The following NRXN1 variants were observed in gnomAD, a reference collection of about 807,000 sequenced individuals.
NRXN1 encodes neurexin-1.
Under a neutral mutation model 150.9 loss-of-function variants are expected in NRXN1, and 39 were observed. The ratio of observed to expected loss-of-function variants is 0.26; its 90% CI spans 0.20 to 0.34. The LOEUF (loss-of-function observed/expected upper bound fraction) is 0.34, where lower values mean the gene tolerates loss of function less well. Ranked by LOEUF, NRXN1 falls within the 10% of genes least tolerant of loss-of-function variation. The pLI, the probability that NRXN1 is intolerant of heterozygous loss-of-function variation, is 1.00. For missense variants in NRXN1, 1,815 were observed against 1,949.9 expected (o/e 0.93, Z 1.30); for synonymous variants, 924 against 757.0 (o/e 1.22, Z -3.62).
chr2:50,136,236 C>T (rs979899823), intron 18 of NRXN1, among the ~76,000 whole-genome samples: 1 of 151,956 alleles, frequency 6.6e-6, no homozygotes, highest in Admixed American at 6.6e-5. Flanking sequence ...GTTGAGCAAG[C>T]CTGACTTACG....
At chr2:50,148,919 T>A (rs948782636) in intron 18 of NRXN1, among the ~76,000 whole-genome samples, 1 of 151,720 alleles carries the variant, frequency 6.6e-6, no homozygotes, top group African/African-American at 2.4e-5. Flanking sequence ...TCTACCTTTC[T>A]TTTGGTATGG....
intron 5 of NRXN1, among the ~76,000 whole-genome samples, chr2:50,843,902 C>G (rs1673235803): frequency 2.0e-5 from 3 of 152,122 alleles, no homozygotes. Context: ...GATCATTATC[C>G]AATCTCAACC....
At chr2:50,202,004 G>T (rs1376781098) in intron 18 of NRXN1, among the ~76,000 whole-genome samples, 1 of 152,118 alleles carries the variant, frequency 6.6e-6, no homozygotes, top group Non-Finnish European at 1.5e-5. Context: ...TTGTTACTGA[G>T]TATCTCTCCT....
At chr2:50,515,432 G>C (rs1000979722) in intron 12 of NRXN1, among the ~76,000 whole-genome samples, 1 of 152,086 alleles carries the variant, frequency 6.6e-6, no homozygotes, top group Non-Finnish European at 1.5e-5. Flanking sequence ...CCCGTCTGTG[G>C]TAAAATTGTC....
intron 17 of NRXN1, among the ~76,000 whole-genome samples, chr2:50,344,964 A>G (rs1205716625): frequency 6.6e-6 from 1 of 152,162 alleles, no homozygotes; most frequent in African/African-American, 2.4e-5. Flanking sequence ...CTCAGGACTC[A>G]CACAATTCTG....
intron 5 of NRXN1, among the ~76,000 whole-genome samples, chr2:50,637,239 A>G (rs1216328079): frequency 2.0e-5 from 3 of 152,208 alleles, no homozygotes; most frequent in Non-Finnish European, 4.4e-5. Flanking sequence ...TGGGTCTTCC[A>G]TAACTTCCCG....
At chr2:50,130,476 A>G (rs1218637917) in intron 18 of NRXN1, among the ~76,000 whole-genome samples, 1 of 152,186 alleles carries the variant, frequency 6.6e-6, no homozygotes, top group East Asian at 1.9e-4. Context: ...GTACAAGAGC[A>G]GCAAAAGAAT....
At chr2:50,473,360 A>C (rs1192794551) in intron 15 of NRXN1, among the ~76,000 whole-genome samples, 2 of 146,206 alleles carry the variant, frequency 1.4e-5, no homozygotes, top group South Asian at 2.1e-4. Context: ...CTATTACTTA[A>C]AAAAAAAAAG....
chr2:49,975,857 A>C (rs1261332576), intron 21 of NRXN1, among the ~76,000 whole-genome samples: 1 of 152,152 alleles, frequency 6.6e-6, no homozygotes, highest in African/African-American at 2.4e-5. Flanking sequence ...AATACTCTTC[A>C]TCTGTAAAAT....
At chr2:50,943,584 T>C (rs1002834634) in intron 2 of NRXN1, among the ~76,000 whole-genome samples, 2 of 152,156 alleles carry the variant, frequency 1.3e-5, no homozygotes, top group Non-Finnish European at 2.9e-5. Flanking sequence ...TAATTCTCTA[T>C]ATGTAACTGT....
intron 2 of NRXN1, among the ~76,000 whole-genome samples, chr2:50,965,035 A>G (rs1485151815): frequency 6.6e-6 from 1 of 151,488 alleles, no homozygotes; most frequent in Non-Finnish European, 1.5e-5. Context: ...CTCATTAAAC[A>G]AATGAGATAA....
chr2:50,033,542 A>G (rs1183086569), intron 21 of NRXN1, among the ~76,000 whole-genome samples: 2 of 152,124 alleles, frequency 1.3e-5, no homozygotes, highest in Non-Finnish European at 2.9e-5. Flanking sequence ...CAACCTATGC[A>G]ATACCATTCT....
rs542728451 is a variant in NRXN1 at position 50,654,877 on chromosome 2, T to C, written c.833-31262A>G. Among the ~76,000 whole-genome samples, 11 of 152,146 alleles carry C rather than the reference T, an allele frequency of 7.2e-5. No individual in the cohort carries two copies. In the South Asian group the frequency reaches 2.1e-3, roughly 29 times the overall value. ...CCTTCAATCTAATCAGTAGCCAATA[T>C]AGTGATTCCATTCAAAGGTTCAAAC... On this transcript the variant is annotated intron_variant, in intron 5 of 22. Coordinates refer to ENST00000401669, the MANE Select transcript of NRXN1 (RefSeq NM_001330078.2).
intron 17 of NRXN1, among the ~76,000 whole-genome samples, chr2:50,406,753 T>C (rs1399669894): frequency 6.6e-6 from 1 of 152,172 alleles, no homozygotes; most frequent in Non-Finnish European, 1.5e-5. Flanking sequence ...CTTTGGTTCT[T>C]ATCTAATGAC....
chr2:50,668,531 T>C (rs1187077831), intron 5 of NRXN1, among the ~76,000 whole-genome samples: 2 of 152,080 alleles, frequency 1.3e-5, no homozygotes, highest in African/African-American at 4.8e-5. Context: ...TGTAACTATC[T>C]GTACAATTGG....
chr2:50,737,708 T>C (rs929983353), intron 5 of NRXN1, among the ~76,000 whole-genome samples: 2 of 152,172 alleles, frequency 1.3e-5, no homozygotes, highest in African/African-American at 4.8e-5. Flanking sequence ...CATGTAAATA[T>C]ACCAGGGTAA....
At chr2:50,375,396 T>A (rs950032969) in intron 17 of NRXN1, among the ~76,000 whole-genome samples, 5 of 150,504 alleles carry the variant, frequency 3.3e-5, no homozygotes, top group Non-Finnish European at 7.4e-5. Flanking sequence ...TTTTCACAAT[T>A]GTATAGATGA....
At chr2:50,777,166 G>T (rs1046043862) in intron 5 of NRXN1, among the ~76,000 whole-genome samples, 5 of 152,012 alleles carry the variant, frequency 3.3e-5, no homozygotes, top group Admixed American at 2.6e-4. Flanking sequence ...TAGAAACCGA[G>T]CTAGTCTTAC....
chr2:50,099,529 CA>C (rs1420488136), intron 18 of NRXN1, among the ~76,000 whole-genome samples: 1 of 152,032 alleles, frequency 6.6e-6, no homozygotes, highest in Non-Finnish European at 1.5e-5. Flanking sequence ...ATAATGCATA[CA>C]AAATTCTTAG....
Sources: gnomAD v4.1 joint callset for allele counts (sites outside exome capture counted in the v4.1 genomes callset) on GRCh38, gnomAD v4.1.1 for gene constraint, MANE v1.5 for transcripts, NCBI Gene and HGNC (gene_info 2026-07-23, HGNC 2026-07-21) for gene names.